Variants in TRMT11 observed in about 807,000 individuals in gnomAD.
The protein encoded by TRMT11 is tRNA (guanine(10)-N(2))-methyltransferase TRMT11.
A neutral mutation model predicts 62.8 loss-of-function variants in TRMT11; 53 were observed. The observed-to-expected ratio is 0.84, with a 90% confidence interval of 0.68 to 1.06. The LOEUF (loss-of-function observed/expected upper bound fraction) is 1.06, where lower values mean the gene tolerates loss of function less well. Among genes scored for constraint, TRMT11 ranks in the 50% least tolerant of loss-of-function variants. TRMT11 has a pLI of 0.00. For missense variants in TRMT11, 556 were observed against 553.4 expected (o/e 1.00, Z -0.05); for synonymous variants, 188 against 190.3 (o/e 0.99, Z 0.10).
chr6:126,038,815 A>G lies in TRMT11; in HGVS notation c.1371A>G (p.Glu457=), dbSNP rs1335293900. 3 of 1,599,790 alleles carry G rather than the reference A, an allele frequency of 1.9e-6. No homozygotes were observed. Among genetic ancestry groups the G allele is most frequent in the Middle Eastern group, 1.7e-4 (1 of 6,006 alleles). ...FSGVTKRIAK[E]EKSTQE ...GGGTAACAAAAAGAATTGCCAAGGA[A>G]GAAAAATCCACCCAGGAATGAAAAT... is the stretch of plus-strand genomic sequence containing the variant. The change falls in exon 13 of 13, where the codon GAA becomes GAG. Residue 457 remains glutamate, a synonymous_variant. Coordinates refer to ENST00000334379, the MANE Select transcript of TRMT11 (RefSeq NM_001031712.3).
intron 17 of TRMT11, among the ~76,000 whole-genome samples, chr6:126,097,017 G>A (rs1400008674): frequency 6.6e-6 from 1 of 152,112 alleles, no homozygotes; most frequent in African/African-American, 2.4e-5. Flanking sequence ...TAATTACAGG[G>A]AACATTATTT....
intron 2 of TRMT11, 70 bp from the exon 3 acceptor site, chr6:125,995,897 C>A: frequency 1.1e-6 from 1 of 915,062 alleles, no homozygotes. Context: ...TCCTTATTGA[C>A]TTCTTGAATA....
chr6:126,141,640 G>A (rs1777918155), intron 21 of TRMT11, among the ~76,000 whole-genome samples: 1 of 152,110 alleles, frequency 6.6e-6, no homozygotes, highest in South Asian at 2.1e-4. Context: ...TTGGGACACA[G>A]TTAACCAACT....
At chr6:126,063,986 T>C (rs1776614010) in intron 17 of TRMT11, among the ~76,000 whole-genome samples, 1 of 152,196 alleles carries the variant, frequency 6.6e-6, no homozygotes, top group South Asian at 2.1e-4. Flanking sequence ...ATGTCACTGA[T>C]GTTGCTGTGT....
intron 21 of TRMT11, among the ~76,000 whole-genome samples, chr6:126,161,243 C>A (rs973146531): frequency 2.0e-5 from 3 of 152,000 alleles, no homozygotes; most frequent in African/African-American, 7.3e-5. Flanking sequence ...CCCCCAACCC[C>A]CCTACAGGCC....
At chr6:126,059,045 C>CTTTTT (rs1036996695) in intron 17 of TRMT11, among the ~76,000 whole-genome samples, 61 of 128,114 alleles carry the variant, frequency 4.8e-4, no homozygotes, top group African/African-American at 8.0e-4. Context: ...CTCTACTTAT[C>CTTTTT]TTTTTTTTTT....
At chr6:126,108,519 G>A (rs894540494) in intron 17 of TRMT11, among the ~76,000 whole-genome samples, 6 of 152,148 alleles carry the variant, frequency 3.9e-5, no homozygotes, top group African/African-American at 1.4e-4. Context: ...ACCTCATGAG[G>A]TAAGTAGTAT....
intron 17 of TRMT11, among the ~76,000 whole-genome samples, chr6:126,086,531 C>T (rs117812094): frequency 0.019 from 2,905 of 152,224 alleles, 91 homozygotes; most frequent in Admixed American, 0.063. Context: ...TTCATTATTT[C>T]TCAAGCAGAT....
chr6:126,145,214 A>G (rs1777960574), intron 21 of TRMT11, among the ~76,000 whole-genome samples: 1 of 152,218 alleles, frequency 6.6e-6, no homozygotes, highest in Admixed American at 6.5e-5. Flanking sequence ...TTAGAACACT[A>G]ACCAAACACT....
intron 1 of TRMT11, among the ~76,000 whole-genome samples, chr6:126,194,749 A>C (rs184175172): frequency 2.0e-5 from 3 of 152,330 alleles, no homozygotes; most frequent in Non-Finnish European, 2.9e-5. Context: ...CAAGTCTTCA[A>C]AACTTTAGTT....
At chr6:125,996,652 CTG>C (rs1791571324) in intron 3 of TRMT11, among the ~76,000 whole-genome samples, 2 of 151,900 alleles carry the variant, frequency 1.3e-5, no homozygotes, top group Admixed American at 1.3e-4. Flanking sequence ...GAAAATTAAA[CTG>C]TATTTTTAAC....
chr6:126,218,952 C>G, the TRMT11 span, among the ~76,000 whole-genome samples: 1 of 152,186 alleles, frequency 6.6e-6, no homozygotes, highest in Non-Finnish European at 1.5e-5. Flanking sequence ...CAGCTGAGTT[C>G]TGCCCAGTGC....
At chr6:126,173,185 G>A (rs1778349387), upstream of TRMT11, among the ~76,000 whole-genome samples, 2 of 152,084 alleles carry the variant, frequency 1.3e-5, no homozygotes, top group African/African-American at 4.8e-5. Flanking sequence ...AAGTTCTCTT[G>A]CCCTTGCTAA....
intron 16 of TRMT11, among the ~76,000 whole-genome samples, chr6:126,046,822 C>A (rs1776074474): frequency 6.6e-6 from 1 of 152,154 alleles, no homozygotes; most frequent in Non-Finnish European, 1.5e-5. Flanking sequence ...GTTCTTTTTG[C>A]ATCTGAATAT....
intron 1 of TRMT11, 43 bp downstream of exon 1, chr6:125,986,665 G>T (rs1177075786): frequency 6.5e-7 from 1 of 1,540,372 alleles, no homozygotes; most frequent in Non-Finnish European, 8.8e-7. Flanking sequence ...GGAAGAGGAC[G>T]CTGGAGTGGA....
intron 7 of TRMT11, among the ~76,000 whole-genome samples, chr6:126,002,230 A>G (rs1315827591): frequency 6.6e-6 from 1 of 152,190 alleles, no homozygotes; most frequent in Non-Finnish European, 1.5e-5. Flanking sequence ...GCAAATATAC[A>G]TGTATTTATT....
downstream of TRMT11, chr6:126,039,327 T>A (rs1195734114): frequency 6.6e-6 from 1 of 152,178 alleles, no homozygotes; most frequent in African/African-American, 2.4e-5. Context: ...GGAAATAAAT[T>A]TTTATTTAGA....
At position 126,021,265 on chromosome 6, in the gene TRMT11, G is replaced by T. The variant is rs147290904; in HGVS notation, c.1245G>T (p.Lys415Asn). The change falls in exon 12 of 13, where the codon AAG becomes AAT. Residue 415 changes from lysine to asparagine, a missense_variant. By Grantham distance (94) the Lys-to-Asn change is moderately conservative. Coordinates refer to ENST00000334379, the MANE Select transcript of TRMT11 (RefSeq NM_001031712.3). ...CAAGGCGCTTGATCACAATGGAAAA[G>T]GTGAAGAAATTTGAGGTAAATTGCT... is the stretch of plus-strand genomic sequence containing the variant. ...HTSRRLITME[K>N]VKKFENRDQY... The T allele has an allele frequency of 1.2e-6, 2 of 1,613,856 alleles. No individual in the cohort carries two copies. Among genetic ancestry groups the T allele is most frequent in the South Asian group, 2.2e-5 (2 of 91,046 alleles).
At chr6:126,110,317 AG>A (rs1442709322) in intron 17 of TRMT11, among the ~76,000 whole-genome samples, 1 of 152,154 alleles carries the variant, frequency 6.6e-6, no homozygotes, top group Non-Finnish European at 1.5e-5. Flanking sequence ...TATCCTTCCC[AG>A]GAATATCTTA....
Sources: gnomAD v4.1 joint callset for allele counts (sites outside exome capture counted in the v4.1 genomes callset) on GRCh38, gnomAD v4.1.1 for gene constraint, MANE v1.5 for transcripts, NCBI Gene and HGNC (gene_info 2026-07-23, HGNC 2026-07-21) for gene names.